The following PPP6C variants were observed in gnomAD, a reference collection of about 807,000 sequenced individuals.
PPP6C encodes the protein serine/threonine-protein phosphatase 6 catalytic subunit.
Under a neutral mutation model 39.8 loss-of-function variants are expected in PPP6C, and 11 were observed. The observed-to-expected ratio is 0.28, with a 90% CI of 0.17 to 0.46. The LOEUF is 0.46. PPP6C is among the 20% of genes least tolerant of loss of function. The pLI, the probability that PPP6C is intolerant of heterozygous loss-of-function variation, is 1.00. For synonymous variants in PPP6C, 129 were observed against 130.3 expected (o/e 0.99, Z 0.07); for missense variants, 211 against 373.9 (o/e 0.56, Z 3.59).
chr9:125,189,478 CTCGCGAGA>C, intron 1 of PPP6C, 158 bp downstream of exon 1: 1 of 1,447,036 alleles, frequency 6.9e-7, no homozygotes. Context: ...GACGACTCGG[CTCGCGAGA>C]CCCTCGGCGT....
At chr9:125,158,035 T>C (rs899324752) in intron 4 of PPP6C, among the ~76,000 whole-genome samples, 34 of 152,060 alleles carry the variant, frequency 2.2e-4, no homozygotes, top group African/African-American at 8.2e-4. Context: ...CAGCTACACT[T>C]TGAGGCACAG....
At chr9:125,171,476 CACATATATATATATATATATATATAT>C (rs1359291702) in intron 1 of PPP6C, among the ~76,000 whole-genome samples, 2 of 57,182 alleles carry the variant, frequency 3.5e-5, no homozygotes, top group African/African-American at 8.7e-5. Context: ...CACACACACA[CACATATATATATATATATATATATAT>C]ATATATATAT....
At chr9:125,184,070 A>G (rs1829472984) in intron 1 of PPP6C, among the ~76,000 whole-genome samples, 1 of 152,224 alleles carries the variant, frequency 6.6e-6, no homozygotes, top group African/African-American at 2.4e-5. Context: ...CCTGGACAGC[A>G]TAGCAAGACG....
At chr9:125,164,623 G>A (rs1346177477) in intron 2 of PPP6C, among the ~76,000 whole-genome samples, 1 of 152,046 alleles carries the variant, frequency 6.6e-6, no homozygotes, top group Non-Finnish European at 1.5e-5. Context: ...TTATTTTTGA[G>A]ATGGAGGCTC....
chr9:125,158,480 TAA>T (rs1429810746), intron 3 of PPP6C, 98 bp from the exon 4 acceptor site: 3 of 1,220,670 alleles, frequency 2.5e-6, no homozygotes, highest in Non-Finnish European at 2.2e-6. Context: ...ATAACTACAA[TAA>T]AGAGTTACAT....
intron 2 of PPP6C, among the ~76,000 whole-genome samples, chr9:125,167,726 T>C (rs1829053684): frequency 6.7e-6 from 1 of 149,302 alleles, no homozygotes; most frequent in Admixed American, 6.7e-5. Context: ...TTTTTTTTTT[T>C]TAGAGATGGG....
intron 1 of PPP6C, among the ~76,000 whole-genome samples, chr9:125,177,092 C>T (rs987423160): frequency 3.9e-5 from 6 of 151,976 alleles, no homozygotes; most frequent in African/African-American, 9.7e-5. Context: ...AGAGAATTCC[C>T]GGCCGGGCGC....
chr9:125,171,038 G>T, intron 2 of PPP6C, 47 bp downstream of exon 2: 2 of 1,240,428 alleles, frequency 1.6e-6, no homozygotes, highest in Non-Finnish European at 2.2e-6. Flanking sequence ...AAACACACAT[G>T]GATCATGGAC....
At chr9:125,163,168 A>T (rs1828925566) in intron 2 of PPP6C, among the ~76,000 whole-genome samples, 1 of 152,206 alleles carries the variant, frequency 6.6e-6, no homozygotes, top group South Asian at 2.1e-4. Flanking sequence ...ATTAAGATCT[A>T]GCAACTCAAG....
intron 1 of PPP6C, among the ~76,000 whole-genome samples, chr9:125,177,167 G>T (rs888221345): frequency 6.6e-6 from 1 of 152,068 alleles, no homozygotes; most frequent in Admixed American, 6.6e-5. Flanking sequence ...GAGGTCAGGA[G>T]AGTGAGACCA....
In PPP6C at chr9:125,148,771, A is replaced by C. The variant is rs1835866162; in HGVS notation, c.*902T>G. On this transcript the variant is annotated 3_prime_UTR_variant, in exon 7 of 7. Coordinates refer to ENST00000373547, the MANE Select transcript of PPP6C (RefSeq NM_002721.5). ...TAACACATCAGCATTACAAGTATTA[A>C]ATGTTTTTCTATTACTATAGAGGAT... The C allele has an allele frequency of 6.6e-6, 1 of 152,212 alleles. No individual in the cohort carries two copies. The highest frequency in any genetic ancestry group is 2.4e-5 in the African/African-American group (1 of 41,460). The allele number at this position is 152,212 out of a possible 1,614,324, so 9.4% of individuals were successfully genotyped here. A position where few individuals can be genotyped will look rare whatever the true frequency, so the allele number is the denominator to read the frequency against.
chr9:125,162,086 C>T (rs1828888200), intron 2 of PPP6C, among the ~76,000 whole-genome samples: 1 of 142,622 alleles, frequency 7.0e-6, no homozygotes, highest in African/African-American at 2.6e-5. Context: ...TCTAAAAAGT[C>T]AGACAAAAAA....
intron 1 of PPP6C, among the ~76,000 whole-genome samples, chr9:125,179,089 C>T (rs1829368020): frequency 1.3e-5 from 2 of 152,040 alleles, no homozygotes; most frequent in South Asian, 4.2e-4. Flanking sequence ...GTGGCGCATG[C>T]CTATAATCCC....
At chr9:125,179,702 C>T (rs905388408) in intron 1 of PPP6C, among the ~76,000 whole-genome samples, 1 of 146,982 alleles carries the variant, frequency 6.8e-6, no homozygotes, top group Non-Finnish European at 1.5e-5. Flanking sequence ...GTCGTTCAGG[C>T]TGGAGTGCAA....
In PPP6C at chr9:125,147,084, T is replaced by C. The variant is rs1205720964; in HGVS notation, c.*2589A>G. On this transcript the variant is annotated 3_prime_UTR_variant, in exon 7 of 7. Transcript: ENST00000373547. ...TGCAGATTGCATATGAGATGTACTG[T>C]TGATCCAGGTGTTTTAGGATCACAC... 1.3e-5 allele frequency: 2 copies of C among 152,216 alleles called. No individual in the cohort carries two copies. The highest frequency in any genetic ancestry group is 2.9e-5 in the Non-Finnish European group (2 of 68,040). 9.4% of individuals were successfully genotyped at this position (152,216 alleles called of 1,614,324 possible). A position where few individuals can be genotyped will look rare whatever the true frequency, so the allele number is the denominator to read the frequency against.
chr9:125,157,111 T>C lies in PPP6C; in HGVS notation c.379+1130A>G, dbSNP rs1705955909. On this transcript the variant is annotated intron_variant, in intron 4 of 6. Coordinates refer to ENST00000373547, the MANE Select transcript of PPP6C (RefSeq NM_002721.5). ...CGTCATTTACATTAGGTATGTCTCC[T>C]AACGCTATCCCTCCCCCCTCCCCCT... Among the ~76,000 whole-genome samples the C allele has an allele frequency of 2.0e-5, 3 of 150,996 alleles. No individual in the cohort carries two copies. The South Asian group carries it at 6.4e-4, about 32-fold the overall frequency.
intron 1 of PPP6C, among the ~76,000 whole-genome samples, chr9:125,184,571 AAAG>A (rs751272333): frequency 2.2e-4 from 34 of 152,090 alleles, no homozygotes; most frequent in African/African-American, 2.9e-4. Context: ...AAAAAAAAAA[AAAG>A]AAGAAGAAGA....
chr9:125,161,137 C>G (rs1828866090), intron 2 of PPP6C, among the ~76,000 whole-genome samples: 2 of 152,142 alleles, frequency 1.3e-5, no homozygotes, highest in Non-Finnish European at 2.9e-5. Context: ...ATAGGATTCC[C>G]TTTCTCATTT....
chr9:125,169,218 G>A (rs1829090114), intron 2 of PPP6C, among the ~76,000 whole-genome samples: 2 of 152,134 alleles, frequency 1.3e-5, no homozygotes, highest in Non-Finnish European at 2.9e-5. Flanking sequence ...CAATCTTTCA[G>A]TCTCCCTTTC....
Sources: allele counts gnomAD v4.1 joint callset (sites outside exome capture counted in the v4.1 genomes callset), GRCh38; gene constraint gnomAD v4.1.1; transcripts MANE v1.5; gene names NCBI Gene and HGNC (gene_info 2026-07-23, HGNC 2026-07-21).